The following CUX1 variants were observed in gnomAD, a reference collection of about 807,000 sequenced individuals.
The protein encoded by CUX1 is cut like homeobox 1, also known as protein CASP.
Under a neutral mutation model 158.8 loss-of-function variants are expected in CUX1, and 31 were observed. The ratio of observed to expected loss-of-function variants is 0.20; its 90% CI spans 0.15 to 0.26. The LOEUF (loss-of-function observed/expected upper bound fraction) is 0.26, where lower values mean the gene tolerates loss of function less well. Among genes scored for constraint, CUX1 ranks in the 10% least tolerant of loss-of-function variants. The probability of loss-of-function intolerance (pLI) is 1.00; values close to 1 mark genes in which losing one functional copy is unlikely to be tolerated. For synonymous variants in CUX1, 879 were observed against 862.1 expected (o/e 1.02, Z -0.34); for missense variants, 1,589 against 2,014.6 (o/e 0.79, Z 4.04).
At chr7:102,214,697 G>C (rs578040397) in intron 20 of CUX1, among the ~76,000 whole-genome samples, 6 of 152,212 alleles carry the variant, frequency 3.9e-5, no homozygotes, top group Non-Finnish European at 8.8e-5. Context: ...AGCCCCATGC[G>C]GACTGGCCCG....
chr7:101,827,113 A>G (rs762235844), intron 1 of CUX1, among the ~76,000 whole-genome samples: 1 of 152,106 alleles, frequency 6.6e-6, no homozygotes, highest in Non-Finnish European at 1.5e-5. Flanking sequence ...TTGCAAAGTA[A>G]CATAAGTGTT....
At chr7:102,064,039 A>C (rs745944394) in intron 3 of CUX1, among the ~76,000 whole-genome samples, 9 of 152,166 alleles carry the variant, frequency 5.9e-5, no homozygotes, top group Admixed American at 2.0e-4. Context: ...GAAATTGCTC[A>C]TGTGTTCTGG....
intron 1 of CUX1, among the ~76,000 whole-genome samples, chr7:101,856,930 C>T (rs962882380): frequency 6.6e-6 from 1 of 152,240 alleles, no homozygotes; most frequent in African/African-American, 2.4e-5. Context: ...CCTCCCTCCG[C>T]GGTCATGCAG....
intron 22 of CUX1, among the ~76,000 whole-genome samples, chr7:102,238,665 C>G (rs1175749580): frequency 1.3e-5 from 2 of 152,250 alleles, no homozygotes; most frequent in East Asian, 3.9e-4. Context: ...CAGGCCTGGC[C>G]GAGGAACTCT....
intron 10 of CUX1, among the ~76,000 whole-genome samples, chr7:102,176,840 T>C (rs1792418613): frequency 6.6e-6 from 1 of 152,004 alleles, no homozygotes; most frequent in Non-Finnish European, 1.5e-5. Flanking sequence ...CCCAAAGTGC[T>C]TGGATTACAG....
intron 8 of CUX1, among the ~76,000 whole-genome samples, chr7:102,138,505 CT>C (rs1436735168): frequency 6.6e-6 from 1 of 152,196 alleles, no homozygotes; most frequent in African/African-American, 2.4e-5. Flanking sequence ...CTGAAATTCA[CT>C]TTCTGATGCA....
chr7:102,217,030 C>T (rs554732039), intron 20 of CUX1, among the ~76,000 whole-genome samples: 4 of 152,236 alleles, frequency 2.6e-5, no homozygotes, highest in South Asian at 2.1e-4. Flanking sequence ...TGCACAGGGA[C>T]GCATTGATAA....
intron 1 of CUX1, among the ~76,000 whole-genome samples, chr7:101,849,901 T>C (rs1012169322): frequency 6.6e-6 from 1 of 151,634 alleles, no homozygotes; most frequent in Non-Finnish European, 1.5e-5. Flanking sequence ...AGTATCTCAT[T>C]GTCTCATGCA....
At chr7:102,197,372 A>G (rs1794902143) in intron 15 of CUX1, 67 bp downstream of exon 15, 1 of 1,516,928 alleles carries the variant, frequency 6.6e-7, no homozygotes, top group Non-Finnish European at 9.1e-7. Flanking sequence ...GTGTGTGTGC[A>G]TGCGTGCGTG....
At chr7:101,986,139 C>T (rs569205586) in intron 2 of CUX1, among the ~76,000 whole-genome samples, 1 of 152,334 alleles carries the variant, frequency 6.6e-6, no homozygotes, top group African/African-American at 2.4e-5. Context: ...GGAACGCTTA[C>T]AGATAGAAAC....
chr7:101,931,325 G>T (rs1490257359), intron 2 of CUX1, among the ~76,000 whole-genome samples: 1 of 152,170 alleles, frequency 6.6e-6, no homozygotes, highest in Non-Finnish European at 1.5e-5. Flanking sequence ...AAACCAGGAA[G>T]ACTGTTGTGA....
At chr7:102,021,438 G>A (rs974534647) in intron 2 of CUX1, among the ~76,000 whole-genome samples, 1 of 151,958 alleles carries the variant, frequency 6.6e-6, no homozygotes, top group Non-Finnish European at 1.5e-5. Context: ...CTCCAAAATA[G>A]ATAGGACTAC....
chr7:101,920,781 T>A lies in CUX1; in HGVS notation c.141+4556T>A, dbSNP rs73185823. Among the ~76,000 whole-genome samples the A allele has an allele frequency of 1.7e-3, 254 of 152,334 alleles. 1 individual carries two copies. Among genetic ancestry groups the A allele is most frequent in the South Asian group, 3.1e-3 (15 of 4,830 alleles). On this transcript the variant is annotated intron_variant, in intron 2 of 23. Transcript: ENST00000292535. ...CATTTTTAAATGTTCTAACTGAACA[T>A]CCATTCCCTATTGAATTAAGAATCA...
At chr7:101,873,526 A>G (rs1314492397) in intron 1 of CUX1, among the ~76,000 whole-genome samples, 4 of 151,946 alleles carry the variant, frequency 2.6e-5, no homozygotes, top group African/African-American at 7.3e-5. Flanking sequence ...AAGAACTTCT[A>G]TGTTCTCTTT....
chr7:102,181,101 C>G (rs1225015233), intron 11 of CUX1, among the ~76,000 whole-genome samples: 1 of 151,864 alleles, frequency 6.6e-6, no homozygotes, highest in African/African-American at 2.4e-5. Flanking sequence ...GCCACCACTT[C>G]CGGATAATTT....
intron 8 of CUX1, among the ~76,000 whole-genome samples, chr7:102,142,758 C>CA (rs1478570445): frequency 6.6e-6 from 1 of 151,030 alleles, no homozygotes; most frequent in African/African-American, 2.4e-5. Flanking sequence ...CTTGTTTCTG[C>CA]AAAAAATTTA....
At chr7:101,975,278 GAGAAA>G (rs1812518612) in intron 2 of CUX1, among the ~76,000 whole-genome samples, 1 of 149,536 alleles carries the variant, frequency 6.7e-6, no homozygotes, top group African/African-American at 2.6e-5. Flanking sequence ...GAGAGAGAGA[GAGAAA>G]AGAAAAGGCT....
chr7:102,145,948 AAAAT>A (rs1296399548), intron 8 of CUX1, among the ~76,000 whole-genome samples: 1 of 152,238 alleles, frequency 6.6e-6, no homozygotes, highest in Non-Finnish European at 1.5e-5. Flanking sequence ...CTCCATCTCA[AAAAT>A]AAATAAATAA....
chr7:102,023,288 T>C (rs1330289181), intron 2 of CUX1, among the ~76,000 whole-genome samples: 1 of 152,178 alleles, frequency 6.6e-6, no homozygotes, highest in Non-Finnish European at 1.5e-5. Flanking sequence ...TTGGCCAGCC[T>C]GAACCCCACT....
Sources: gnomAD v4.1 joint callset for allele counts (sites outside exome capture counted in the v4.1 genomes callset) on GRCh38, gnomAD v4.1.1 for gene constraint, MANE v1.5 for transcripts, NCBI Gene and HGNC (gene_info 2026-07-23, HGNC 2026-07-21) for gene names.